The following ARHGEF4 variants were observed in gnomAD, a reference collection of about 807,000 sequenced individuals.
ARHGEF4 encodes Rho guanine nucleotide exchange factor 4.
In ARHGEF4, 119 loss-of-function variants were observed where a neutral mutation model predicts 162.0. The observed-to-expected ratio is 0.73, with a 90% CI of 0.63 to 0.86. The LOEUF (loss-of-function observed/expected upper bound fraction) is 0.86. ARHGEF4 is among the 40% of genes least tolerant of loss of function. The pLI, the probability that ARHGEF4 is intolerant of heterozygous loss-of-function variation, is 0.00. For synonymous variants in ARHGEF4, 1,014 were observed against 979.9 expected (o/e 1.03, Z -0.65); for missense variants, 2,488 against 2,456.0 (o/e 1.01, Z -0.28).
chr2:131,039,059 C>T lies in ARHGEF4; in HGVS notation c.4305+27C>T, dbSNP rs780795969. The T allele has an allele frequency of 2.5e-6, 4 of 1,578,268 alleles. No homozygotes were observed. The African/African-American group carries it at 4.1e-5, about 16-fold the overall frequency. On this transcript the variant is annotated intron_variant, in intron 6 of 13. Transcript: ENST00000409359. ...TATGGTTCCAAGCCCCAGCTTCTCC[C>T]AAGTTGGGCCCATAAAAAGCTACCT...
intron 4 of ARHGEF4, among the ~76,000 whole-genome samples, chr2:130,966,498 A>G (rs925311423): frequency 1.3e-5 from 2 of 152,230 alleles, no homozygotes; most frequent in Non-Finnish European, 2.9e-5. Flanking sequence ...CATGCCAGGC[A>G]CAATATTCCC....
chr2:131,029,505 A>G (rs1330023490), intron 5 of ARHGEF4, among the ~76,000 whole-genome samples: 2 of 151,956 alleles, frequency 1.3e-5, no homozygotes, highest in Non-Finnish European at 2.9e-5. Context: ...GTGTTCTGAA[A>G]TGATGCCACC....
chr2:130,865,517 A>G (rs1171384771), intron 1 of ARHGEF4, among the ~76,000 whole-genome samples: 1 of 152,120 alleles, frequency 6.6e-6, no homozygotes, highest in Non-Finnish European at 1.5e-5. Flanking sequence ...CCTCCTAGTC[A>G]TCATGGTTAT....
At chr2:131,031,895 C>T (rs1227114269) in intron 5 of ARHGEF4, among the ~76,000 whole-genome samples, 1 of 152,212 alleles carries the variant, frequency 6.6e-6, no homozygotes, top group Non-Finnish European at 1.5e-5. Flanking sequence ...AAGCCAGAAG[C>T]GCCTGTCAGT....
intron 1 of ARHGEF4, among the ~76,000 whole-genome samples, chr2:130,856,816 A>G (rs774466548): frequency 7.9e-5 from 12 of 152,234 alleles, no homozygotes; most frequent in Non-Finnish European, 1.2e-4. Context: ...AAAAAAAGAA[A>G]TGTAATATGC....
At chr2:130,949,929 G>A (rs960753450) in intron 4 of ARHGEF4, among the ~76,000 whole-genome samples, 5 of 152,202 alleles carry the variant, frequency 3.3e-5, no homozygotes, top group Non-Finnish European at 5.9e-5. Context: ...AATTACAGGC[G>A]TGAGCCACCA....
chr2:131,039,887 C>T, intron 6 of ARHGEF4, 129 bp from the exon 7 acceptor site: 1 of 1,432,850 alleles, frequency 7.0e-7, no homozygotes, highest in Non-Finnish European at 9.1e-7. Flanking sequence ...AGCTGGCCGG[C>T]CAGTCCTCAG....
At chr2:130,942,647 G>A (rs956970176) in intron 3 of ARHGEF4, among the ~76,000 whole-genome samples, 3 of 152,174 alleles carry the variant, frequency 2.0e-5, no homozygotes, top group African/African-American at 4.8e-5. Context: ...CTAGATCACT[G>A]TTTTCAAAGC....
intron 2 of ARHGEF4, among the ~76,000 whole-genome samples, chr2:130,921,906 G>C (rs1327722203): frequency 6.6e-6 from 1 of 151,844 alleles, no homozygotes; most frequent in Non-Finnish European, 1.5e-5. Flanking sequence ...TGGCCAGGCT[G>C]GTCTCAAACT....
At chr2:131,002,232 T>TG (rs1388158534) in intron 4 of ARHGEF4, among the ~76,000 whole-genome samples, 1 of 152,194 alleles carries the variant, frequency 6.6e-6, no homozygotes, top group Non-Finnish European at 1.5e-5. Context: ...AAATAATTTT[T>TG]GAAAAGATTA....
chr2:130,935,749 A>G lies in ARHGEF4; in HGVS notation c.3858+4492A>G, dbSNP rs534764630. On this transcript the variant is annotated intron_variant, in intron 3 of 13. Coordinates refer to ENST00000409359, the MANE Select transcript of ARHGEF4 (RefSeq NM_001367493.1). ...AGTGTCATTACATTGCAATCAGAAAAGATACTTCATATGAATTCAGTCTTT... is the reference window on the plus strand; with the variant it reads ...AGTGTCATTACATTGCAATCAGAAAGGATACTTCATATGAATTCAGTCTTT... Among the ~76,000 whole-genome samples the G allele has an allele frequency of 4.5e-4, 68 of 152,344 alleles. 1 individual carries two copies. In the South Asian group the frequency reaches 0.012, roughly 27 times the overall value.
Position 130,975,999 on chromosome 2 carries a change from G to A in ARHGEF4, c.3985+29364G>A, listed in dbSNP as rs561943520. ...CGGAGGCTAAATAACTGTCCCATGGGGGTCCGTCACAGGCTGGCTGCTGGA... is the reference window on the plus strand; with the variant it reads ...CGGAGGCTAAATAACTGTCCCATGGAGGTCCGTCACAGGCTGGCTGCTGGA... On this transcript the variant is annotated intron_variant, in intron 4 of 13. Transcript: ENST00000409359. 7.9e-5 allele frequency among the ~76,000 whole-genome samples: 12 copies of A among 152,238 alleles called. No homozygotes were observed. In the South Asian group the frequency reaches 1.5e-3, roughly 18 times the overall value.
chr2:130,839,079 C>T (rs1226106679), intron 1 of ARHGEF4, among the ~76,000 whole-genome samples: 2 of 152,170 alleles, frequency 1.3e-5, no homozygotes, highest in Non-Finnish European at 2.9e-5. Context: ...ACCTGTGCCC[C>T]TCAGAGGGTC....
At chr2:130,965,227 G>A (rs1163222701) in intron 4 of ARHGEF4, among the ~76,000 whole-genome samples, 1 of 152,176 alleles carries the variant, frequency 6.6e-6, no homozygotes, top group East Asian at 1.9e-4. Flanking sequence ...TGGAGCACAG[G>A]CCTTGTTGGG....
At chr2:131,039,160 C>T (rs1690549650) in intron 6 of ARHGEF4, 128 bp downstream of exon 6, 6 of 1,282,414 alleles carry the variant, frequency 4.7e-6, no homozygotes, top group African/African-American at 3.0e-5. Flanking sequence ...GGTGTCGGGG[C>T]GCAGTGTCAC....
intron 1 of ARHGEF4, among the ~76,000 whole-genome samples, chr2:130,901,526 T>G (rs1680488605): frequency 6.6e-6 from 1 of 150,854 alleles, no homozygotes; most frequent in Admixed American, 6.6e-5. Context: ...CCATATTCTT[T>G]TTTTTTTTTT....
chr2:130,955,811 T>G (rs1558765880), intron 4 of ARHGEF4, among the ~76,000 whole-genome samples: 1 of 152,154 alleles, frequency 6.6e-6, no homozygotes, highest in Non-Finnish European at 1.5e-5. Flanking sequence ...TGCAAACTAG[T>G]GGGGTTACAG....
chr2:130,856,478 A>G (rs1681795428), intron 1 of ARHGEF4, among the ~76,000 whole-genome samples: 1 of 152,264 alleles, frequency 6.6e-6, no homozygotes, highest in Non-Finnish European at 1.5e-5. Context: ...CTTGCAAGAA[A>G]TACTAAAGGA....
At chr2:131,043,211 C>T (rs1342237923) in intron 10 of ARHGEF4, among the ~76,000 whole-genome samples, 2 of 152,130 alleles carry the variant, frequency 1.3e-5, no homozygotes, top group Non-Finnish European at 1.5e-5. Context: ...ATGGATTAGC[C>T]ACACTTCCAG....
Sources: gnomAD v4.1 joint callset for allele counts (sites outside exome capture counted in the v4.1 genomes callset) on GRCh38, gnomAD v4.1.1 for gene constraint, MANE v1.5 for transcripts, NCBI Gene and HGNC (gene_info 2026-07-23, HGNC 2026-07-21) for gene names.